Variants in OSBP2 observed in about 807,000 individuals in gnomAD.
OSBP2 encodes the protein oxysterol binding protein 2.
Under a neutral mutation model 96.0 loss-of-function variants are expected in OSBP2, and 66 were observed. The ratio of observed to expected loss-of-function variants is 0.69; its 90% CI spans 0.56 to 0.84. The LOEUF (loss-of-function observed/expected upper bound fraction) is 0.84. Among genes scored for constraint, OSBP2 ranks in the 40% least tolerant of loss-of-function variants. OSBP2 has a pLI of 0.00. For synonymous variants in OSBP2, 525 were observed against 520.9 expected, an observed-to-expected ratio of 1.01 and a Z score of -0.11; for missense variants, 1,038 against 1,222.7, an observed-to-expected ratio of 0.85 and a Z score of 2.25.
At chr22:30,753,956 C>T (rs758728463) in intron 2 of OSBP2, among the ~76,000 whole-genome samples, 2 of 152,142 alleles carry the variant, frequency 1.3e-5, no homozygotes, top group Non-Finnish European at 2.9e-5. Context: ...TCCCTTCCAC[C>T]TGTGTATTTG....
intron 2 of OSBP2, among the ~76,000 whole-genome samples, chr22:30,798,580 C>A (rs136277): frequency 7.9e-5 from 12 of 152,282 alleles, no homozygotes; most frequent in East Asian, 1.9e-4. Context: ...GTCTTTGATC[C>A]TTTTGAGTTA....
chr22:30,716,759 T>C (rs181855523), intron 1 of OSBP2, among the ~76,000 whole-genome samples: 1 of 152,256 alleles, frequency 6.6e-6, no homozygotes, highest in Admixed American at 6.5e-5. Context: ...TTTTTAATCA[T>C]TTATTTGATT....
intron 2 of OSBP2, among the ~76,000 whole-genome samples, chr22:30,811,883 G>A (rs2091013272): frequency 6.7e-6 from 1 of 149,812 alleles, no homozygotes; most frequent in Admixed American, 6.7e-5. Context: ...TAAAGACAGG[G>A]TCTTGCTTTG....
chr22:30,747,618 C>T (rs1164472053), intron 2 of OSBP2, among the ~76,000 whole-genome samples: 1 of 152,178 alleles, frequency 6.6e-6, no homozygotes, highest in South Asian at 2.1e-4. Context: ...CTCACATTGG[C>T]GGTGCGGTAA....
rs892969852 is a variant in OSBP2, at chr22:30,889,593, T to A, written c.1580T>A (p.Met527Lys). Residue 527 changes from methionine to lysine, a missense_variant, in exon 7 of 14, where the codon ATG becomes AAG. By Grantham distance (95) the Met-to-Lys change is moderately conservative. Transcript: ENST00000332585. Reference sequence around the variant, plus strand: ...TACAGCCTTAACCTCTGGAGCATCATGAAGAACTGCATCGGCCGGGAGCTC... The same window carrying A: ...TACAGCCTTAACCTCTGGAGCATCAAGAAGAACTGCATCGGCCGGGAGCTC... ...PNYSLNLWSI[M>K]KNCIGRELSR... 6.2e-7 allele frequency: 1 copy of A among 1,614,070 alleles called. No homozygotes were observed. The highest frequency in any genetic ancestry group is 1.7e-5 in the Admixed American group (1 of 60,026).
At chr22:30,710,849 G>T (rs897112601) in intron 1 of OSBP2, among the ~76,000 whole-genome samples, 1 of 152,056 alleles carries the variant, frequency 6.6e-6, no homozygotes, top group African/African-American at 2.4e-5. Flanking sequence ...GACCTCAGGT[G>T]ATGTGCCTGC....
At chr22:30,853,262 G>A (rs1047209260) in intron 2 of OSBP2, among the ~76,000 whole-genome samples, 7 of 152,120 alleles carry the variant, frequency 4.6e-5, no homozygotes, top group African/African-American at 1.2e-4. Flanking sequence ...TCTTATTTCT[G>A]TTTTTGCTTC....
rs750171727 is a variant in OSBP2 at position 30,695,314 on chromosome 22, C to G, written c.405C>G (p.Thr135=). 1 of 1,613,522 alleles carries G rather than the reference C, an allele frequency of 6.2e-7. No homozygotes were observed. The highest frequency in any genetic ancestry group is 1.1e-5 in the South Asian group (1 of 91,080). The change falls in exon 1 of 14, where the codon ACC becomes ACG. Residue 135 remains threonine, a synonymous_variant. Transcript: ENST00000332585. ...EPLSRAVGSA[T]FLRPESGSLP... ...TCTCCCGGGCGGTGGGGAGCGCGAC[C>G]TTTCTCAGACCCGAGTCAGGATCGC...
intron 3 of OSBP2, among the ~76,000 whole-genome samples, chr22:30,880,469 A>G (rs1283844988): frequency 6.6e-6 from 1 of 152,160 alleles, no homozygotes; most frequent in Non-Finnish European, 1.5e-5. Flanking sequence ...AGCCTGGACC[A>G]TATGGGCATT....
intron 2 of OSBP2, among the ~76,000 whole-genome samples, chr22:30,820,447 AC>A (rs930399747): frequency 1.3e-4 from 19 of 151,244 alleles, no homozygotes; most frequent in Non-Finnish European, 1.3e-4. Flanking sequence ...ACTATTCCAG[AC>A]CCCCCGCCAC....
At chr22:30,854,459 C>A (rs551644841) in intron 2 of OSBP2, among the ~76,000 whole-genome samples, 2 of 151,716 alleles carry the variant, frequency 1.3e-5, no homozygotes, top group Non-Finnish European at 2.9e-5. Context: ...CAGGCACGCA[C>A]GACCATGCCC....
chr22:30,783,769 A>T (rs1339365041), intron 2 of OSBP2, among the ~76,000 whole-genome samples: 1 of 152,192 alleles, frequency 6.6e-6, no homozygotes, highest in Non-Finnish European at 1.5e-5. Flanking sequence ...GAAATAGAAA[A>T]ACCATGACAC....
chr22:30,873,853 C>T (rs2039515649), intron 3 of OSBP2, among the ~76,000 whole-genome samples: 1 of 152,202 alleles, frequency 6.6e-6, no homozygotes, highest in African/African-American at 2.4e-5. Flanking sequence ...CTGGGGCAGG[C>T]AGCTCTCTTC....
At chr22:30,694,043 T>C (rs985787641), upstream of OSBP2, 44 of 1,547,066 alleles carry the variant, frequency 2.8e-5, no homozygotes, top group Non-Finnish European at 3.0e-5. Flanking sequence ...TCCTTTGTTA[T>C]GGACCTACTC....
intron 1 of OSBP2, among the ~76,000 whole-genome samples, chr22:30,722,192 C>T (rs983386864): frequency 6.6e-6 from 1 of 152,206 alleles, no homozygotes; most frequent in Non-Finnish European, 1.5e-5. Context: ...CTCAAGAGAT[C>T]CCCTTTGTCA....
chr22:30,895,140 A>G (rs921431339), intron 12 of OSBP2, among the ~76,000 whole-genome samples: 4 of 152,194 alleles, frequency 2.6e-5, no homozygotes, highest in Non-Finnish European at 5.9e-5. Flanking sequence ...CCCCCCCGCC[A>G]TGCTGCCCTG....
rs111321749 is a variant in OSBP2, at chr22:30,825,963, G to A, written c.854-44466G>A. On this transcript the variant is annotated intron_variant, in intron 2 of 13. Coordinates refer to ENST00000332585, the MANE Select transcript of OSBP2 (RefSeq NM_030758.4). The stretch of plus-strand genomic sequence containing the variant: ...ATGGCAGCCAACATGGGCCATCAGG[G>A]GCGGACATACCAGGTCAGGCGGTTA... 1.6e-3 allele frequency among the ~76,000 whole-genome samples: 249 copies of A among 152,286 alleles called. 1 individual carries two copies. Among genetic ancestry groups the A allele is most frequent in the African/African-American group, 5.2e-3 (215 of 41,554 alleles).
In OSBP2 at chr22:30,891,940, G is replaced by A. The variant is rs187603529; in HGVS notation, c.1869+967G>A. Among the ~76,000 whole-genome samples, 16 of 152,280 alleles carry A rather than the reference G, an allele frequency of 1.1e-4. No individual in the cohort carries two copies. In the South Asian group the frequency reaches 2.9e-3, roughly 28 times the overall value. On this transcript the variant is annotated intron_variant, in intron 8 of 13. Transcript: ENST00000332585. ...CTGCTTCCAGCTCTTTTAGAAAGGG[G>A]GTGGTCAGGGAGCAGCTTTGCTGAT...
At chr22:30,859,836 G>C (rs1321082785) in intron 2 of OSBP2, among the ~76,000 whole-genome samples, 1 of 152,248 alleles carries the variant, frequency 6.6e-6, no homozygotes, top group Non-Finnish European at 1.5e-5. Context: ...GAGATGTCAG[G>C]ACCCTGGGAG....
Sources: allele counts gnomAD v4.1 joint callset (sites outside exome capture counted in the v4.1 genomes callset), GRCh38; gene constraint gnomAD v4.1.1; transcripts MANE v1.5; gene names NCBI Gene and HGNC (gene_info 2026-07-23, HGNC 2026-07-21).